RFTN1: variants seen among roughly 807,000 people sequenced by gnomAD.
RFTN1 encodes raftlin, lipid raft linker 1, also known as raftlin.
Under a neutral mutation model 46.5 loss-of-function variants are expected in RFTN1, and 26 were observed. The observed-to-expected ratio is 0.56, with a 90% CI of 0.41 to 0.78. RFTN1 has a LOEUF of 0.78. Ranked by LOEUF, RFTN1 falls within the 30% of genes least tolerant of loss-of-function variation. The pLI is 0.00. For synonymous variants in RFTN1, 261 were observed against 284.2 expected (o/e 0.92, Z 0.82); for missense variants, 693 against 718.7 (o/e 0.96, Z 0.41).
intron 4 of RFTN1, among the ~76,000 whole-genome samples, chr3:16,391,858 GTTTTTTTTTTGT>G (rs1309487865): frequency 1.6e-4 from 8 of 49,122 alleles, no homozygotes; most frequent in Admixed American, 3.2e-4. Context: ...TAGTGCAAAG[GTTTTTTTTTTGT>G]TTTTTTTTTT....
intron 4 of RFTN1, among the ~76,000 whole-genome samples, chr3:16,386,762 T>C (rs1329661559): frequency 6.7e-6 from 1 of 148,652 alleles, no homozygotes; most frequent in South Asian, 2.2e-4. Context: ...GAGGTGGGGG[T>C]TGGTAACAGA....
rs564555617 is a variant in RFTN1, at chr3:16,327,300, G to A, written c.1147-424C>T. Among the ~76,000 whole-genome samples, 2 of 152,262 alleles carry A rather than the reference G, an allele frequency of 1.3e-5. No homozygotes were observed. Among genetic ancestry groups the A allele is most frequent in the South Asian group, 2.1e-4 (1 of 4,822 alleles). ...CTTACATTTGACAAATGATCAAGTC[G>A]TTTATGTCCAGCCACAGCAACACAC... is the stretch of plus-strand genomic sequence containing the variant. On this transcript the variant is annotated intron_variant, in intron 7 of 9. Transcript: ENST00000334133. This position sits in a 1 kb window ranked among gnomAD's most constrained non-coding sequence, Gnocchi z 4.2.
intron 3 of RFTN1, among the ~76,000 whole-genome samples, chr3:16,411,603 A>AT (rs1248981479): frequency 1.3e-5 from 2 of 152,216 alleles, no homozygotes; most frequent in Admixed American, 6.5e-5. Context: ...GACTAGACTC[A>AT]TGTTCTCATT....
intron 7 of RFTN1, among the ~76,000 whole-genome samples, chr3:16,339,152 A>C (rs1323214176): frequency 6.6e-6 from 1 of 152,202 alleles, no homozygotes; most frequent in Non-Finnish European, 1.5e-5. Flanking sequence ...CTCTCTCCCT[A>C]ACTTTCTCTG....
chr3:16,504,094 T>C lies in RFTN1; in HGVS notation c.-9+9348A>G, dbSNP rs1037175094. ...TTTCTCCGTTCACAGTGCCCTTAGT[T>C]TCTCTGTACATTTTTTAATGGCATG... On this transcript the variant is annotated intron_variant, in intron 1 of 9. Transcript: ENST00000334133. This position sits in a 1 kb window ranked among gnomAD's most constrained non-coding sequence, Gnocchi z 4.4. Among the ~76,000 whole-genome samples, 2 of 151,862 alleles carry C rather than the reference T, an allele frequency of 1.3e-5. No homozygotes were observed. The highest frequency in any genetic ancestry group is 6.6e-5 in the Admixed American group (1 of 15,222).
In RFTN1 at chr3:16,329,334, G is replaced by A. The variant is rs540284638; in HGVS notation, c.1147-2458C>T. On this transcript the variant is annotated intron_variant, in intron 7 of 9. Transcript: ENST00000334133. The surrounding 1 kb of genome is among the most constrained non-coding windows in gnomAD (Gnocchi z 4.5). The stretch of plus-strand genomic sequence containing the variant: ...CAGCACAAGTGGACCGAGACAGGGC[G>A]GAAGTGGAGAAAGGGAAAGGGAAAG... Among the ~76,000 whole-genome samples, 18 of 148,306 alleles carry A rather than the reference G, an allele frequency of 1.2e-4. No homozygotes were observed. Among genetic ancestry groups the A allele is most frequent in the African/African-American group, 4.0e-4 (16 of 40,504 alleles).
Position 16,391,066 on chromosome 3 carries a change from A to C in RFTN1, c.442-12964T>G, listed in dbSNP as rs550769514. ...CAATAACATCCCTACCACCCCATCA[A>C]TACCACCACTATCACCTTTACCAAG... On this transcript the variant is annotated intron_variant, in intron 4 of 9. Coordinates refer to ENST00000334133, the MANE Select transcript of RFTN1 (RefSeq NM_015150.2). Among the ~76,000 whole-genome samples the C allele has an allele frequency of 2.3e-3, 355 of 152,096 alleles. 1 individual carries two copies. Among genetic ancestry groups the C allele is most frequent in the Middle Eastern group, 0.01 (3 of 294 alleles).
intron 4 of RFTN1, among the ~76,000 whole-genome samples, chr3:16,391,241 G>A (rs989035757): frequency 1.3e-5 from 2 of 152,180 alleles, no homozygotes; most frequent in Non-Finnish European, 1.5e-5. Context: ...TAATTAATTA[G>A]ATGGGAAACC....
Position 16,377,951 on chromosome 3 carries a change from G to A in RFTN1, c.593C>T (p.Ala198Val), listed in dbSNP as rs745806714. ...RDAKNARGDH[A>V]SLENEKPGTG... is the part of the protein sequence containing the mutation. ...CCCCGGTTTCTCATTCTCCAGTGAC[G>A]CGTGATCCCCACGTGCGTTTTTTGC... Residue 198 changes from alanine to valine, a missense_variant, in exon 5 of 10, where the codon GCG (alanine) becomes GTG (valine). Ala to Val is a moderately conservative substitution (Grantham distance 64, BLOSUM62 0). Transcript: ENST00000334133. 34 of 1,614,186 alleles carry A rather than the reference G, an allele frequency of 2.1e-5. No homozygotes were observed. In the South Asian group the frequency reaches 2.3e-4, roughly 11 times the overall value.
intron 2 of RFTN1, among the ~76,000 whole-genome samples, chr3:16,487,485 C>T (rs1254810581): frequency 6.6e-6 from 1 of 152,214 alleles, no homozygotes; most frequent in Non-Finnish European, 1.5e-5. Context: ...AGTCACCAGC[C>T]ACACATGGCT....
intron 3 of RFTN1, among the ~76,000 whole-genome samples, chr3:16,412,330 T>C (rs188117486): frequency 1.4e-4 from 22 of 152,170 alleles, no homozygotes; most frequent in African/African-American, 5.1e-4. Context: ...CTAAACCCCT[T>C]GAGGACAGAT....
rs1553718092 is a variant in RFTN1, at chr3:16,324,620, C to CCA, written c.1251-1164_1251-1163insTG. On this transcript the variant is annotated intron_variant, in intron 8 of 9. Transcript: ENST00000334133. ...AATAACAGAATGTCCCTGACCCCCC[C>CCA]CCTTTTAAGGTTGCATAGTATTCCA... Among the ~76,000 whole-genome samples, 8 of 142,888 alleles carry CCA rather than the reference C, an allele frequency of 5.6e-5. 1 individual carries two copies. The highest frequency in any genetic ancestry group is 9.2e-5 in the Non-Finnish European group (6 of 64,960). 93.7% of individuals were successfully genotyped at this position (142,888 alleles called of 152,430 possible).
rs1423006316 is a variant in RFTN1 at position 16,400,512 on chromosome 3, A to G, written c.441+8863T>C. 1.3e-5 allele frequency among the ~76,000 whole-genome samples: 2 copies of G among 152,226 alleles called. No homozygotes were observed. Among genetic ancestry groups the G allele is most frequent in the African/African-American group, 4.8e-5 (2 of 41,444 alleles). ...ACTCTAAGTTTCACGTGTCCAGGGCATTACCTAGACCGGCTTACTAAAGTA... is the reference window on the plus strand; with the variant it reads ...ACTCTAAGTTTCACGTGTCCAGGGCGTTACCTAGACCGGCTTACTAAAGTA... On this transcript the variant is annotated intron_variant, in intron 4 of 9. Transcript: ENST00000334133. This position sits in a 1 kb window ranked among gnomAD's most constrained non-coding sequence, Gnocchi z 4.5.
At chr3:16,397,653 C>T (rs375718428) in intron 4 of RFTN1, among the ~76,000 whole-genome samples, 17 of 152,200 alleles carry the variant, frequency 1.1e-4, no homozygotes, top group South Asian at 4.1e-4. Flanking sequence ...ACCACACCCC[C>T]GCCCACCCCA....
chr3:16,448,746 G>A lies in RFTN1; in HGVS notation c.146-14709C>T, dbSNP rs563660743. Among the ~76,000 whole-genome samples the A allele has an allele frequency of 6.6e-6, 1 of 152,050 alleles. No individual in the cohort carries two copies. The highest frequency in any genetic ancestry group is 1.5e-5 in the Non-Finnish European group (1 of 68,016). On this transcript the variant is annotated intron_variant, in intron 2 of 9. Transcript: ENST00000334133. This position sits in a 1 kb window ranked among gnomAD's most constrained non-coding sequence, Gnocchi z 4.1. ...GCCACTGCGTTCCCGACCTTCTTCT[G>A]CCCCATTGGCAGGCCCCAAACATCC...
Position 16,432,986 on chromosome 3 carries a change from T to C in RFTN1, c.332+865A>G, listed in dbSNP as rs369167373. On this transcript the variant is annotated intron_variant, in intron 3 of 9. Coordinates refer to ENST00000334133, the MANE Select transcript of RFTN1 (RefSeq NM_015150.2). ...CCAAATGCTTTGTCTACCTGCAAAG[T>C]GACTTTAAAAGGAGAGAACAAGGAG... Among the ~76,000 whole-genome samples the C allele has an allele frequency of 4.0e-4, 61 of 152,348 alleles. No individual in the cohort carries two copies. The East Asian group carries it at 8.7e-3, about 22-fold the overall frequency.
chr3:16,426,079 G>A lies in RFTN1; in HGVS notation c.332+7772C>T, dbSNP rs2075284038. Reference sequence around the variant, plus strand: ...GAGCTCTGAATTCACCTTCCTCAATGTCTGCTCTCTGGGAATAAACCGGCG... The same window carrying A: ...GAGCTCTGAATTCACCTTCCTCAATATCTGCTCTCTGGGAATAAACCGGCG... On this transcript the variant is annotated intron_variant, in intron 3 of 9. Coordinates refer to ENST00000334133, the MANE Select transcript of RFTN1 (RefSeq NM_015150.2). This position sits in a 1 kb window ranked among gnomAD's most constrained non-coding sequence, Gnocchi z 5.9. 6.6e-6 allele frequency among the ~76,000 whole-genome samples: 1 copy of A among 152,172 alleles called. No homozygotes were observed. Among genetic ancestry groups the A allele is most frequent in the Admixed American group, 6.5e-5 (1 of 15,274 alleles).
chr3:16,454,748 C>T (rs1175265462), intron 2 of RFTN1: 1 of 985,170 alleles, frequency 1.0e-6, no homozygotes, highest in Non-Finnish European at 1.2e-6. Context: ...AGGCCTCCCT[C>T]CTTGTGTCAA....
intron 6 of RFTN1, among the ~76,000 whole-genome samples, chr3:16,365,422 TATAA>T (rs1261139247): frequency 6.6e-6 from 1 of 152,244 alleles, no homozygotes; most frequent in Non-Finnish European, 1.5e-5. Flanking sequence ...AGTATGTCTG[TATAA>T]AATATATACC....
Sources: gnomAD v4.1 joint callset for allele counts (sites outside exome capture counted in the v4.1 genomes callset) on GRCh38, gnomAD v4.1.1 for gene constraint, Gnocchi (gnomAD v3.1) non-coding constraint, MANE v1.5 for transcripts, NCBI Gene and HGNC (gene_info 2026-07-23, HGNC 2026-07-21) for gene names.